Variants in UNC45B observed in about 807,000 individuals in gnomAD.
The protein encoded by UNC45B is unc-45 myosin chaperone B.
A neutral mutation model predicts 98.7 loss-of-function variants in UNC45B; 78 were observed. That is an observed-to-expected ratio of 0.79 (90% CI 0.66 to 0.95). The LOEUF is 0.95. UNC45B is among the 40% of genes least tolerant of loss of function. The pLI, the probability that UNC45B is intolerant of heterozygous loss-of-function variation, is 0.00. For synonymous variants in UNC45B, 462 were observed against 480.4 expected (o/e 0.96, Z 0.50); for missense variants, 1,225 against 1,184.9 (o/e 1.03, Z -0.50).
At chr17:35,149,557 T>C (rs1234370315) in intron 3 of UNC45B, among the ~76,000 whole-genome samples, 7 of 152,190 alleles carry the variant, frequency 4.6e-5, no homozygotes, top group East Asian at 1.9e-4. Context: ...GCCGGGATTA[T>C]AGGCGTCTGC....
chr17:35,175,052 AAAGGAAAG>A (rs2092219356), intron 14 of UNC45B, among the ~76,000 whole-genome samples: 1 of 139,964 alleles, frequency 7.1e-6, no homozygotes, highest in Non-Finnish European at 1.6e-5. Context: ...GGAAAGAAAG[AAAGGAAAG>A]AAGAAAGAAA....
At chr17:35,169,167 G>A (rs999817437) in intron 10 of UNC45B, among the ~76,000 whole-genome samples, 4 of 151,904 alleles carry the variant, frequency 2.6e-5, no homozygotes, top group South Asian at 2.1e-4. Context: ...AGCCTCCCAA[G>A]TAGCTGGGAT....
chr17:35,172,551 T>C (rs150232690), intron 13 of UNC45B, among the ~76,000 whole-genome samples: 1 of 152,298 alleles, frequency 6.6e-6, no homozygotes, highest in African/African-American at 2.4e-5. Flanking sequence ...ACCTGGCCTC[T>C]GAATCATTTT....
chr17:35,180,229 ATCT>A (rs1026133043), intron 17 of UNC45B, among the ~76,000 whole-genome samples: 2 of 150,094 alleles, frequency 1.3e-5, no homozygotes. Flanking sequence ...TGGCCTTCAC[ATCT>A]TCTTGGATCT....
intron 18 of UNC45B, among the ~76,000 whole-genome samples, chr17:35,181,970 C>A (rs2092276995): frequency 6.6e-6 from 1 of 151,890 alleles, no homozygotes; most frequent in African/African-American, 2.4e-5. Context: ...AGGGAGGCAA[C>A]CTTTCCTATG....
chr17:35,149,445 C>A (rs2142524891), intron 3 of UNC45B, among the ~76,000 whole-genome samples: 1 of 152,130 alleles, frequency 6.6e-6, no homozygotes, highest in East Asian at 1.9e-4. Context: ...GAGATGGAGT[C>A]TTGCTCTGTT....
chr17:35,160,241 T>C (rs2092093334), intron 8 of UNC45B, among the ~76,000 whole-genome samples: 2 of 152,208 alleles, frequency 1.3e-5, no homozygotes, highest in African/African-American at 4.8e-5. Flanking sequence ...TTACATAAGA[T>C]AAGGTGAACA....
intron 14 of UNC45B, 63 bp downstream of exon 14, chr17:35,174,432 C>T: frequency 6.2e-7 from 1 of 1,602,820 alleles, no homozygotes; most frequent in Non-Finnish European, 8.5e-7. Flanking sequence ...TGGAGTGCAG[C>T]ACACTGGGCA....
At chr17:35,166,295 T>C (rs2092140857) in intron 9 of UNC45B, among the ~76,000 whole-genome samples, 1 of 151,706 alleles carries the variant, frequency 6.6e-6, no homozygotes, top group South Asian at 2.1e-4. Flanking sequence ...GTGAAAGCTA[T>C]TCTCAACTCC....
rs764273650 is a variant in UNC45B, at chr17:35,186,980, T to C, written c.*421T>C. The C allele has an allele frequency of 5.7e-5, 11 of 192,504 alleles. No individual in the cohort carries two copies. The highest frequency in any genetic ancestry group is 2.2e-5 in the Non-Finnish European group (2 of 91,294). The allele number at this position is 192,504 out of a possible 1,614,324, so 11.9% of individuals were successfully genotyped here. A position where few individuals can be genotyped will look rare whatever the true frequency, so the allele number is the denominator to read the frequency against. Reference sequence around the variant, plus strand: ...GCTGTTGTATTTGGATGCTGATCTGTGCTGTTTTCATGACCTCTCTCCCAC... The same window carrying C: ...GCTGTTGTATTTGGATGCTGATCTGCGCTGTTTTCATGACCTCTCTCCCAC... On this transcript the variant is annotated 3_prime_UTR_variant, in exon 20 of 20. Coordinates refer to ENST00000394570, the MANE Select transcript of UNC45B (RefSeq NM_001267052.2).
At chr17:35,151,365 A>G (rs1351187920) in intron 4 of UNC45B, among the ~76,000 whole-genome samples, 1 of 151,960 alleles carries the variant, frequency 6.6e-6, no homozygotes, top group Non-Finnish European at 1.5e-5. Context: ...TAATTTTTGT[A>G]TTTTTGATAG....
In UNC45B at chr17:35,174,046, C is replaced by T. The variant is rs377637135; in HGVS notation, c.1831-196C>T. Among the ~76,000 whole-genome samples, 4 of 151,958 alleles carry T rather than the reference C, an allele frequency of 2.6e-5. No individual in the cohort carries two copies. The South Asian group carries it at 6.3e-4, about 24-fold the overall frequency. On this transcript the variant is annotated intron_variant, in intron 13 of 19. Transcript: ENST00000394570. Reference sequence around the variant, plus strand: ...CAGGATGGTCTTGATCTCCTAACCTCGTGGTCCGCCCGCCTCAGCCTCCCA... The same window carrying T: ...CAGGATGGTCTTGATCTCCTAACCTTGTGGTCCGCCCGCCTCAGCCTCCCA...
At chr17:35,163,838 C>T (rs1437124244) in intron 8 of UNC45B, among the ~76,000 whole-genome samples, 157 bp from the exon 9 acceptor site, 1 of 152,132 alleles carries the variant, frequency 6.6e-6, no homozygotes, top group African/African-American at 2.4e-5. Context: ...AACCTGGGTC[C>T]TTTGACCCCA....
intron 14 of UNC45B, 33 bp downstream of exon 14, chr17:35,174,402 G>C (rs1426181697): frequency 6.2e-7 from 1 of 1,613,520 alleles, no homozygotes. Context: ...CTTGGAACTA[G>C]GGCTGGGGGC....
intron 7 of UNC45B, among the ~76,000 whole-genome samples, 197 bp from the exon 8 acceptor site, chr17:35,159,178 C>A (rs1445121663): frequency 6.6e-6 from 1 of 152,092 alleles, no homozygotes; most frequent in Non-Finnish European, 1.5e-5. Context: ...GGCTGGAGGA[C>A]CACTTGGGGG....
At position 35,168,161 on chromosome 17, in the gene UNC45B, G is replaced by C. The variant is rs779686300; in HGVS notation, c.1252G>C (p.Gly418Arg). The C allele has an allele frequency of 1.2e-6, 2 of 1,606,830 alleles. No homozygotes were observed. Among genetic ancestry groups the C allele is most frequent in the Non-Finnish European group, 1.7e-6 (2 of 1,176,270 alleles). ...GPFDLGNQLL[G>R]LKGVMEMMVA... ...CTTTGACCTGGGCAACCAGCTGCTGGGACTGAAAGGTGTGATGGAGATGAT... is the reference window on the plus strand; with the variant it reads ...CTTTGACCTGGGCAACCAGCTGCTGCGACTGAAAGGTGTGATGGAGATGAT... Residue 418 changes from glycine (G) to arginine (R), a missense_variant, in exon 10 of 20, where the codon GGA (glycine) becomes CGA (arginine). By Grantham distance (125) the Gly-to-Arg change is moderately radical. Transcript: ENST00000394570.
At chr17:35,150,444 C>T (rs535645869) in intron 4 of UNC45B, among the ~76,000 whole-genome samples, 1 of 152,200 alleles carries the variant, frequency 6.6e-6, no homozygotes, top group Non-Finnish European at 1.5e-5. Flanking sequence ...GGCTAGAACA[C>T]AGGTCTTTTA....
chr17:35,153,392 A>G lies in UNC45B; in HGVS notation c.471+410A>G, dbSNP rs1045019537. Among the ~76,000 whole-genome samples the G allele has an allele frequency of 3.9e-5, 6 of 152,362 alleles. No homozygotes were observed. The East Asian group carries it at 1.2e-3, about 29-fold the overall frequency. The stretch of plus-strand genomic sequence containing the variant: ...TAAGAAATAACGGGCCCATTAAAAT[A>G]ACATTTTATTTCATTAAAAAATATT... On this transcript the variant is annotated intron_variant, in intron 5 of 19. Coordinates refer to ENST00000394570, the MANE Select transcript of UNC45B (RefSeq NM_001267052.2).
In UNC45B at chr17:35,177,034, T is replaced by G. The variant is rs754837115; in HGVS notation, c.2043T>G (p.Ala681=). Residue 681 remains alanine (A), a synonymous_variant, in exon 16 of 20, where the codon GCT becomes GCG. Transcript: ENST00000394570. ...QGGGKALIPL[A]LEGTDVGKVK... is the part of the protein sequence containing the mutation. ...TCTTGCAGGCCCTGATTCCCCTGGC[T>G]TTGGAGGGCACAGATGTGGGCAAGG... 4 of 1,614,020 alleles carry G rather than the reference T, an allele frequency of 2.5e-6. No homozygotes were observed. Among genetic ancestry groups the G allele is most frequent in the Non-Finnish European group, 3.4e-6 (4 of 1,179,988 alleles).
Sources: allele counts gnomAD v4.1 joint callset (sites outside exome capture counted in the v4.1 genomes callset), GRCh38; gene constraint gnomAD v4.1.1; transcripts MANE v1.5; gene names NCBI Gene and HGNC (gene_info 2026-07-23, HGNC 2026-07-21).